GPR108: variants seen among roughly 807,000 people sequenced by gnomAD.
The protein encoded by GPR108 is protein GPR108.
Under a neutral mutation model 74.3 loss-of-function variants are expected in GPR108, and 60 were observed. That is an observed-to-expected ratio of 0.81 (90% CI 0.66 to 1.00). GPR108 has a LOEUF of 1.00. GPR108 is among the 50% of genes least tolerant of loss of function. GPR108 has a pLI of 0.00. For synonymous variants in GPR108, 311 were observed against 292.4 expected (o/e 1.06, Z -0.65); for missense variants, 667 against 703.3 (o/e 0.95, Z 0.58).
chr19:6,730,866 T>A, intron 17 of GPR108, 121 bp downstream of exon 17: 2 of 1,104,490 alleles, frequency 1.8e-6, no homozygotes, highest in Non-Finnish European at 2.6e-6. Context: ...CAGCAGGCTC[T>A]GCCCTAACAC....
Position 6,732,534 on chromosome 19 carries a change from T to G in GPR108, c.949A>C (p.Ile317Leu). 1.2e-6 allele frequency: 2 copies of G among 1,612,456 alleles called. No homozygotes were observed. The highest frequency in any genetic ancestry group is 1.7e-6 in the Non-Finnish European group (2 of 1,179,754). Reference sequence around the variant, plus strand: ...TCGATGGGGTGGCCCTGGCTGTTGATGAAGTAGTAGTTGATCTGGGGGTGG... The same window carrying G: ...TCGATGGGGTGGCCCTGGCTGTTGAGGAAGTAGTAGTTGATCTGGGGGTGG... ...LLFHSINYYF[I>L]NSQGHPIEGL... The change falls in exon 11 of 18, where the codon ATC (isoleucine) becomes CTC (leucine). Residue 317 changes from isoleucine to leucine, a missense_variant. Ile to Leu is a conservative substitution (Grantham distance 5). Coordinates refer to ENST00000264080, the MANE Select transcript of GPR108 (RefSeq NM_001080452.2).
chr19:6,731,664 G>T (rs1968408248), intron 14 of GPR108, 142 bp from the exon 15 acceptor site: 1 of 848,494 alleles, frequency 1.2e-6, no homozygotes, highest in Non-Finnish European at 1.8e-6. Flanking sequence ...ATTAGGTGGG[G>T]CAGAAAGGCG....
In GPR108 at chr19:6,731,115, G is replaced by A. The variant is rs565446107; in HGVS notation, c.1435-4C>T. 169 of 1,612,980 alleles carry A rather than the reference G, an allele frequency of 1.0e-4. No individual in the cohort carries two copies. The East Asian group carries it at 3.3e-3, about 31-fold the overall frequency. On this transcript the variant is annotated splice_polypyrimidine_tract_variant and splice_region_variant and intron_variant, in intron 16 of 17. Coordinates refer to ENST00000264080, the MANE Select transcript of GPR108 (RefSeq NM_001080452.2). ...GGGTGGAGCCCTCCACCAAGAGCTGGGGGACGGGGCGGAGTGGGGGCGTCA... is the reference window on the plus strand; with the variant it reads ...GGGTGGAGCCCTCCACCAAGAGCTGAGGGACGGGGCGGAGTGGGGGCGTCA...
chr19:6,736,592 C>T lies in GPR108; in HGVS notation c.240G>A (p.Leu80=). Residue 80 remains leucine, a splice_region_variant and synonymous_variant, in exon 2 of 18, where the codon CTG becomes CTA. Coordinates refer to ENST00000264080, the MANE Select transcript of GPR108 (RefSeq NM_001080452.2). The part of the protein sequence containing the change: ...GLREAEEKSL[L]VGFSLSRVRS... Reference sequence around the variant, plus strand: ...CAGCAAACTCCTCAAGGTCCCTCACCAGCAGGGACTTCTCTTCTGCCTCCC... The same window carrying T: ...CAGCAAACTCCTCAAGGTCCCTCACTAGCAGGGACTTCTCTTCTGCCTCCC... 6.2e-7 allele frequency: 1 copy of T among 1,613,426 alleles called. No individual in the cohort carries two copies. The highest frequency in any genetic ancestry group is 8.5e-7 in the Non-Finnish European group (1 of 1,179,728).
chr19:6,735,794 T>C, intron 3 of GPR108, 90 bp from the exon 4 acceptor site: 1 of 1,527,442 alleles, frequency 6.5e-7, no homozygotes, highest in East Asian at 2.3e-5. Context: ...CCACGGGATC[T>C]TCCTGCTCCT....
Position 6,733,992 on chromosome 19 carries a change from G to A in GPR108, c.549+13C>T, listed in dbSNP as rs340131. 2,570 of 1,614,166 alleles carry A rather than the reference G, an allele frequency of 1.6e-3. 32 individuals carry two copies. The African/African-American group carries it at 0.029, about 18-fold the overall frequency. ...GGGTGTGCATCTTCCCTCCTGCCCC[G>A]CCTCCCCGAAACCTGAATCACTGCG... On this transcript the variant is annotated intron_variant, in intron 6 of 17. Transcript: ENST00000264080.
At chr19:6,736,826 G>A in intron 1 of GPR108, 115 bp from the exon 2 acceptor site, 2 of 1,417,176 alleles carry the variant, frequency 1.4e-6, no homozygotes, top group Non-Finnish European at 1.9e-6. Flanking sequence ...ATTTAGGACA[G>A]GCCCAGAGGA....
At chr19:6,736,838 G>A in intron 1 of GPR108, 127 bp from the exon 2 acceptor site, 2 of 1,340,264 alleles carry the variant, frequency 1.5e-6, no homozygotes, top group Non-Finnish European at 2.0e-6. Flanking sequence ...CCCAGAGGAT[G>A]ACAAGAGAAA....
rs769437529 is a variant in GPR108 at position 6,731,226 on chromosome 19, C to T, written c.1407G>A (p.Val469=). 1.3e-6 allele frequency: 2 copies of T among 1,571,948 alleles called. No homozygotes were observed. Among genetic ancestry groups the T allele is most frequent in the Admixed American group, 1.8e-5 (1 of 55,552 alleles). ...RIIAILLQVA[V]PFQWQWLYQL... ...GGTACAGCCACTGCCACTGAAAGGG[C>T]ACAGCCACCTGCAGCAGGATGGCGA... Residue 469 remains valine, a synonymous_variant, in exon 16 of 18, where the codon GTG becomes GTA. Transcript: ENST00000264080.
rs765350106 is a variant in GPR108 at position 6,732,478 on chromosome 19, G to A, written c.1005C>T (p.His335=). The change falls in exon 11 of 18, where the codon CAC becomes CAT. Residue 335 remains histidine (H), a splice_region_variant and synonymous_variant. Coordinates refer to ENST00000264080, the MANE Select transcript of GPR108 (RefSeq NM_001080452.2). ...CCAGCAGAGTGGGGGACACTCACAG[G>A]TGTGCGATGTAGTACATGACGGCAA... ...EGLAVMYYIA[H]LLKGALLFIT... is the part of the protein sequence containing the mutation. 3.7e-6 allele frequency: 6 copies of A among 1,613,694 alleles called. No homozygotes were observed. The African/African-American group carries it at 5.3e-5, about 14-fold the overall frequency.
At chr19:6,732,417 G>A (rs754887532) in intron 11 of GPR108, 37 bp from the exon 12 acceptor site, 1 of 1,611,148 alleles carries the variant, frequency 6.2e-7, no homozygotes, top group Non-Finnish European at 8.5e-7. Flanking sequence ...ATGAGGTGGG[G>A]GGCCAACCCT....
Position 6,731,175 on chromosome 19 carries a change from G to A in GPR108, c.1434+24C>T, listed in dbSNP as rs369820731. ...CCACCCCCACCGTGGCCGCCCTCCC[G>A]TCCCACCTGGGCCTCGGGCTCACCT... On this transcript the variant is annotated intron_variant, in intron 16 of 17. Transcript: ENST00000264080. The A allele has an allele frequency of 5.5e-5, 88 of 1,605,378 alleles. 1 individual carries two copies. In the Middle Eastern group the frequency reaches 1.2e-3, roughly 21 times the overall value.
chr19:6,731,489 C>G lies in GPR108; in HGVS notation c.1334G>C (p.Arg445Pro). The G allele has an allele frequency of 6.5e-7, 1 of 1,530,740 alleles. No homozygotes were observed. Among genetic ancestry groups the G allele is most frequent in the Non-Finnish European group, 8.8e-7 (1 of 1,139,086 alleles). The allele number at this position is 1,530,740 out of a possible 1,614,324, so 94.8% of individuals were successfully genotyped here. A position where few individuals can be genotyped will look rare whatever the true frequency, so the allele number is the denominator to read the frequency against. ...AVNLAKLKLF[R>P]HYYVMVICYV... ...GGCTCCTACCATGACATAGTAATGC[C>G]GGAACAGCTTCAGCTTGGCCAGGTT... The change falls in exon 15 of 18, where the codon CGG (arginine) becomes CCG (proline). Residue 445 changes from arginine to proline, a missense_variant. By Grantham distance (103) the Arg-to-Pro change is moderately radical. Transcript: ENST00000264080.
rs747802633 is a variant in GPR108 at position 6,732,365 on chromosome 19, G to A, written c.1023C>T (p.Leu341=). 9 of 1,613,564 alleles carry A rather than the reference G, an allele frequency of 5.6e-6. No individual in the cohort carries two copies. In the South Asian group the frequency reaches 7.7e-5, roughly 14 times the overall value. Residue 341 remains leucine (L), a synonymous_variant, in exon 12 of 18, where the codon CTC becomes CTT. Transcript: ENST00000264080. ...YYIAHLLKGA[L]LFITIALIGS... is the part of the protein sequence containing the mutation. ...CAATCAGGGCGATGGTGATGAAGAGGAGGGCGCCCTTCAGCCTGAAGGAGC... is the reference window on the plus strand; with the variant it reads ...CAATCAGGGCGATGGTGATGAAGAGAAGGGCGCCCTTCAGCCTGAAGGAGC...
At chr19:6,733,531 G>A (rs765683552) in intron 8 of GPR108, 39 bp downstream of exon 8, 2 of 1,580,106 alleles carry the variant, frequency 1.3e-6, no homozygotes, top group Non-Finnish European at 1.7e-6. Context: ...TGGCCTGCAG[G>A]GGGCGCTCCC....
chr19:6,734,986 T>C (rs2145491145), intron 4 of GPR108, among the ~76,000 whole-genome samples: 1 of 152,002 alleles, frequency 6.6e-6, no homozygotes, highest in African/African-American at 2.4e-5. Flanking sequence ...GCTCAGGAGA[T>C]CCTCTCACCT....
intron 1 of GPR108, 175 bp downstream of exon 1, chr19:6,737,282 C>T: frequency 3.6e-6 from 3 of 824,858 alleles, no homozygotes; most frequent in Non-Finnish European, 5.3e-6. Flanking sequence ...CAACTCCATC[C>T]GGAGGACCGA....
chr19:6,736,979 C>G (rs1297009541), intron 1 of GPR108: 3 of 479,716 alleles, frequency 6.3e-6, no homozygotes, highest in African/African-American at 5.8e-5. Flanking sequence ...GCCCGGAGAA[C>G]AGTTATTCAC....
chr19:6,731,267 AGACGTAGCAGAT>A lies in GPR108; in HGVS notation c.1354_1365del (p.Ile452_Val455del). On this transcript the variant is annotated inframe_deletion, in exon 16 of 18. Coordinates refer to ENST00000264080, the MANE Select transcript of GPR108 (RefSeq NM_001080452.2). Reference sequence around the variant, plus strand: ...AGGATGGCGATGATGCGGGTGAAGTAGACGTAGCAGATGACCTGCAGGGGCGCGAGCAGGCGT... The same window carrying A: ...AGGATGGCGATGATGCGGGTGAAGTAGACCTGCAGGGGCGCGAGCAGGCGT... 6.4e-7 allele frequency: 1 copy of A among 1,551,050 alleles called. No homozygotes were observed. The highest frequency in any genetic ancestry group is 8.7e-7 in the Non-Finnish European group (1 of 1,146,268).
Sources: gnomAD v4.1 joint callset for allele counts (sites outside exome capture counted in the v4.1 genomes callset) on GRCh38, gnomAD v4.1.1 for gene constraint, MANE v1.5 for transcripts, NCBI Gene and HGNC (gene_info 2026-07-23, HGNC 2026-07-21) for gene names.